The following KIF9 variants were observed in gnomAD, a reference collection of about 807,000 sequenced individuals.
KIF9 encodes kinesin family member 9.
Under a neutral mutation model 94.8 loss-of-function variants are expected in KIF9, and 68 were observed. The observed-to-expected ratio is 0.72, with a 90% confidence interval of 0.59 to 0.88. The LOEUF is 0.88. KIF9 is among the 40% of genes least tolerant of loss of function. KIF9 has a pLI of 0.00. For synonymous variants in KIF9, 343 were observed against 362.1 expected (o/e 0.95, Z 0.60); for missense variants, 882 against 982.5 (o/e 0.90, Z 1.37).
At chr3:47,282,402 A>G (rs1702446572) in intron 1 of KIF9, 93 bp downstream of exon 1, 3 of 986,242 alleles carry the variant, frequency 3.0e-6, no homozygotes, top group East Asian at 1.1e-4. Flanking sequence ...ACCCCCAGAT[A>G]AAGCGGTTTT....
rs1305242064 is a variant in KIF9, at chr3:47,240,859, C to A, written c.1866G>T (p.Arg622=). 1.2e-6 allele frequency: 2 copies of A among 1,614,080 alleles called. No individual in the cohort carries two copies. The highest frequency in any genetic ancestry group is 3.3e-5 in the Admixed American group (2 of 59,994). ...GGGCCTCCTTGGTCACATCAATCTCCCGCTTGATGGCATTGATGTGCTGTG... is the reference window on the plus strand; with the variant it reads ...GGGCCTCCTTGGTCACATCAATCTCACGCTTGATGGCATTGATGTGCTGTG... ...ETTQHINAIK[R]EIDVTKEALN... Residue 622 remains arginine (R), a synonymous_variant, in exon 17 of 21, where the codon CGG becomes CGT. Coordinates refer to ENST00000684063, the MANE Select transcript of KIF9 (RefSeq NM_182902.4).
chr3:47,278,681 T>C (rs997089945), intron 1 of KIF9, among the ~76,000 whole-genome samples: 15 of 151,934 alleles, frequency 9.9e-5, no homozygotes, highest in African/African-American at 3.4e-4. Flanking sequence ...ATACAAAAAT[T>C]AGCCAGGCAG....
In KIF9 at chr3:47,266,693, G is replaced by T. The variant is rs11920853; in HGVS notation, c.768+283C>A. On this transcript the variant is annotated intron_variant, in intron 7 of 20. Transcript: ENST00000684063. ...CACAGAGAAATGCTATACCAGCAAGGAATATTTACTGAGCACTGAGTGCCA... is the reference window on the plus strand; with the variant it reads ...CACAGAGAAATGCTATACCAGCAAGTAATATTTACTGAGCACTGAGTGCCA... Among the ~76,000 whole-genome samples the T allele has an allele frequency of 8.9e-4, 135 of 152,042 alleles. No individual in the cohort carries two copies. The South Asian group carries it at 0.025, about 29-fold the overall frequency.
intron 10 of KIF9, among the ~76,000 whole-genome samples, chr3:47,252,200 T>A (rs1238572625): frequency 6.6e-6 from 1 of 152,184 alleles, no homozygotes; most frequent in Non-Finnish European, 1.5e-5. Flanking sequence ...AAAATGCTTA[T>A]CAGAAAGATT....
At chr3:47,280,941 C>G (rs1702292524) in intron 1 of KIF9, 1 of 702,980 alleles carries the variant, frequency 1.4e-6, no homozygotes, top group South Asian at 1.5e-5. Flanking sequence ...CCCATGCCAT[C>G]TTGCACTTAC....
rs897682058 is a variant in KIF9, at chr3:47,266,963, C to T, written c.768+13G>A. On this transcript the variant is annotated intron_variant, in intron 7 of 20. Coordinates refer to ENST00000684063, the MANE Select transcript of KIF9 (RefSeq NM_182902.4). Reference sequence around the variant, plus strand: ...GGTTTATTGAGTAGCAACCTCCAGCCCCCATCACTTACCCCAGACTTCCCC... The same window carrying T: ...GGTTTATTGAGTAGCAACCTCCAGCTCCCATCACTTACCCCAGACTTCCCC... The T allele has an allele frequency of 2.5e-6, 4 of 1,599,398 alleles. No individual in the cohort carries two copies. Among genetic ancestry groups the T allele is most frequent in the Admixed American group, 1.7e-5 (1 of 59,954 alleles).
intron 10 of KIF9, among the ~76,000 whole-genome samples, chr3:47,248,596 C>T (rs902785994): frequency 1.3e-5 from 2 of 152,074 alleles, no homozygotes; most frequent in African/African-American, 4.8e-5. Flanking sequence ...GTGACCGCCA[C>T]CACACCTGGC....
Position 47,282,537 on chromosome 3 carries a change from C to T in KIF9, c.-48G>A. The stretch of plus-strand genomic sequence containing the variant: ...CGCTCCCGGGACGCGACTGCCGCAA[C>T]CGAAACCACCTGCACTCCCCACGCG... On this transcript the variant is annotated 5_prime_UTR_variant, in exon 1 of 21. Coordinates refer to ENST00000684063, the MANE Select transcript of KIF9 (RefSeq NM_182902.4). 1.0e-6 allele frequency: 1 copy of T among 999,042 alleles called. No homozygotes were observed. The highest frequency in any genetic ancestry group is 1.2e-6 in the Non-Finnish European group (1 of 837,624). 61.9% of individuals were successfully genotyped at this position (999,042 alleles called of 1,614,324 possible). A position where few individuals can be genotyped will look rare whatever the true frequency, so the allele number is the denominator to read the frequency against.
intron 2 of KIF9, among the ~76,000 whole-genome samples, chr3:47,276,293 C>T (rs538909518): frequency 2.0e-5 from 3 of 152,046 alleles, no homozygotes; most frequent in African/African-American, 2.4e-5. Context: ...TGGTGGCTCA[C>T]GCCTGTAATC....
chr3:47,243,441 T>A (rs914624406), intron 15 of KIF9, 196 bp from the exon 16 acceptor site: 3 of 445,698 alleles, frequency 6.7e-6, no homozygotes, highest in African/African-American at 5.9e-5. Flanking sequence ...AGAGGGCATT[T>A]TTCTCCCTTT....
At chr3:47,281,171 TA>T in intron 1 of KIF9, 7 of 631,704 alleles carry the variant, frequency 1.1e-5, no homozygotes, top group Non-Finnish European at 2.0e-5. Flanking sequence ...TGAATCTTCA[TA>T]TGTGGGTCTA....
rs540671151 is a variant in KIF9, at chr3:47,277,201, G to T, written c.93+81C>A. On this transcript the variant is annotated intron_variant, in intron 2 of 20. Coordinates refer to ENST00000684063, the MANE Select transcript of KIF9 (RefSeq NM_182902.4). The stretch of plus-strand genomic sequence containing the variant: ...TCCAATTCTGTCTTGGTCCTTCAAA[G>T]GTTGCTTGGAAATACGGTCACACTA... The T allele has an allele frequency of 1.6e-5, 17 of 1,031,182 alleles. No homozygotes were observed. In the South Asian group the frequency reaches 2.4e-4, roughly 15 times the overall value. The allele number at this position is 1,031,182 out of a possible 1,614,324, so 63.9% of individuals were successfully genotyped here.
At chr3:47,246,430 G>A (rs1044696675) in intron 12 of KIF9, 178 bp from the exon 13 acceptor site, 2 of 409,270 alleles carry the variant, frequency 4.9e-6, no homozygotes, top group Non-Finnish European at 8.7e-6. Flanking sequence ...CTCCAGAGCA[G>A]AGAAACACCT....
chr3:47,229,789 A>G (rs1446039246), intron 20 of KIF9, among the ~76,000 whole-genome samples: 2 of 151,644 alleles, frequency 1.3e-5, no homozygotes, highest in Non-Finnish European at 2.9e-5. Flanking sequence ...GCCGGAGTAC[A>G]GTGGCGCAAT....
At position 47,248,091 on chromosome 3, in the gene KIF9, CG is replaced by C; in HGVS notation, c.1060-6del. On this transcript the variant is annotated splice_polypyrimidine_tract_variant and splice_region_variant and intron_variant, in intron 10 of 20. Transcript: ENST00000684063. Reference sequence around the variant, plus strand: ...CTCCAGGTTCTTGACCATTCTCTGCCGGGAAACATGGTAGGGTGGGGGCCGA... The same window carrying C: ...CTCCAGGTTCTTGACCATTCTCTGCCGGAAACATGGTAGGGTGGGGGCCGA... The C allele has an allele frequency of 6.2e-7, 1 of 1,612,058 alleles. No homozygotes were observed. Among genetic ancestry groups the C allele is most frequent in the Non-Finnish European group, 8.5e-7 (1 of 1,178,556 alleles).
Position 47,282,684 on chromosome 3 carries a change from C to A in KIF9, c.-195G>T. 1.5e-6 allele frequency: 2 copies of A among 1,331,116 alleles called. No individual in the cohort carries two copies. The highest frequency in any genetic ancestry group is 1.9e-6 in the Non-Finnish European group (2 of 1,032,068). The allele number at this position is 1,331,116 out of a possible 1,614,324, so 82.5% of individuals were successfully genotyped here. On this transcript the variant is annotated 5_prime_UTR_variant, in exon 1 of 21. Coordinates refer to ENST00000684063, the MANE Select transcript of KIF9 (RefSeq NM_182902.4). ...GTCGAGGATACGGGTGAGGTCATGG[C>A]CGAATCGGGAAGACGAGAGATGGGG...
intron 16 of KIF9, 124 bp from the exon 17 acceptor site, chr3:47,241,139 C>T (rs1481648679): frequency 1.3e-5 from 10 of 766,574 alleles, no homozygotes; most frequent in Non-Finnish European, 2.0e-5. Context: ...GCACCACCTA[C>T]CCAAGACAGG....
intron 1 of KIF9, among the ~76,000 whole-genome samples, chr3:47,280,098 C>T (rs981152351): frequency 2.0e-4 from 30 of 152,026 alleles, no homozygotes; most frequent in African/African-American, 7.0e-4. Context: ...AGTGGTAGGA[C>T]AGGTGTGTGT....
chr3:47,251,090 G>C (rs1420397844), intron 10 of KIF9, among the ~76,000 whole-genome samples: 1 of 152,238 alleles, frequency 6.6e-6, no homozygotes, highest in Admixed American at 6.5e-5. Flanking sequence ...TTCCTGTGGG[G>C]TCAACAGGAG....
Sources: allele counts gnomAD v4.1 joint callset (sites outside exome capture counted in the v4.1 genomes callset), GRCh38; gene constraint gnomAD v4.1.1; transcripts MANE v1.5; gene names NCBI Gene and HGNC (gene_info 2026-07-23, HGNC 2026-07-21).